Variants in CREB3L2 observed in about 807,000 individuals in gnomAD.
CREB3L2 encodes the protein cAMP responsive element binding protein 3 like 2.
Under a neutral mutation model 57.2 loss-of-function variants are expected in CREB3L2, and 23 were observed. The ratio of observed to expected loss-of-function variants is 0.40; its 90% CI spans 0.29 to 0.57. The LOEUF (loss-of-function observed/expected upper bound fraction) is 0.57. CREB3L2 is among the 20% of genes least tolerant of loss of function. The pLI is 0.42. For missense variants in CREB3L2, 628 were observed against 634.7 expected, an observed-to-expected ratio of 0.99 and a Z score of 0.11; for synonymous variants, 268 against 265.1, an observed-to-expected ratio of 1.01 and a Z score of -0.11.
intron 2 of CREB3L2, 66 bp downstream of exon 2, chr7:137,928,084 C>T: frequency 8.1e-7 from 1 of 1,236,798 alleles, no homozygotes; most frequent in Non-Finnish European, 1.2e-6. Context: ...AATACACACT[C>T]CACACCCTCA....
chr7:137,990,897 T>C (rs1273498949), intron 1 of CREB3L2, among the ~76,000 whole-genome samples: 1 of 151,878 alleles, frequency 6.6e-6, no homozygotes, highest in Middle Eastern at 3.4e-3. Context: ...TGTTTGCAGA[T>C]TTTTTTTTCC....
intron 1 of CREB3L2, among the ~76,000 whole-genome samples, chr7:137,987,844 C>A (rs1801817979): frequency 6.6e-6 from 1 of 152,184 alleles, no homozygotes; most frequent in African/African-American, 2.4e-5. Flanking sequence ...AGCCACCACA[C>A]CTTTCTCTAC....
chr7:137,951,575 A>C (rs1801099523), intron 1 of CREB3L2, among the ~76,000 whole-genome samples: 2 of 152,232 alleles, frequency 1.3e-5, no homozygotes, highest in South Asian at 4.1e-4. Flanking sequence ...TACTTATTGA[A>C]ATGTATAAGT....
chr7:137,938,233 T>C (rs939236538), intron 1 of CREB3L2, among the ~76,000 whole-genome samples: 4 of 152,224 alleles, frequency 2.6e-5, no homozygotes, highest in Non-Finnish European at 5.9e-5. Flanking sequence ...ATGGTAGATG[T>C]TGACAGTGGC....
chr7:137,950,418 A>G (rs966852882), intron 1 of CREB3L2, among the ~76,000 whole-genome samples: 4 of 152,358 alleles, frequency 2.6e-5, no homozygotes, highest in East Asian at 3.9e-4. Context: ...ACTGGACCAC[A>G]TCAAAGAAGC....
rs555047962 is a variant in CREB3L2, at chr7:137,973,288, C to A, written c.102+28316G>T. On this transcript the variant is annotated intron_variant, in intron 1 of 11. Transcript: ENST00000330387. ...CCCATTCCAACTTGTTTGCCTTGTACGGAAGACTTGGGTCCCAAGGAGAAT... is the reference window on the plus strand; with the variant it reads ...CCCATTCCAACTTGTTTGCCTTGTAAGGAAGACTTGGGTCCCAAGGAGAAT... Among the ~76,000 whole-genome samples, 6 of 152,104 alleles carry A rather than the reference C, an allele frequency of 3.9e-5. No individual in the cohort carries two copies. In the South Asian group the frequency reaches 1.2e-3, roughly 32 times the overall value.
intron 4 of CREB3L2, among the ~76,000 whole-genome samples, chr7:137,909,801 T>C (rs915514344): frequency 1.3e-5 from 2 of 152,198 alleles, no homozygotes; most frequent in Non-Finnish European, 1.5e-5. Flanking sequence ...TCATCTTGAA[T>C]TGTAGCTCCC....
intron 1 of CREB3L2, among the ~76,000 whole-genome samples, chr7:137,929,153 A>G (rs1294670524): frequency 6.6e-6 from 1 of 152,050 alleles, no homozygotes; most frequent in African/African-American, 2.4e-5. Context: ...AATACCATGA[A>G]CTTTCCAGCC....
At chr7:137,884,764 G>A (rs1200752947) in intron 10 of CREB3L2, 1 of 628,446 alleles carries the variant, frequency 1.6e-6, no homozygotes, top group Non-Finnish European at 2.8e-6. Context: ...GTCTAGAACA[G>A]CAGTTTGCAA....
intron 7 of CREB3L2, among the ~76,000 whole-genome samples, chr7:137,903,712 T>G (rs1335386904): frequency 6.6e-6 from 1 of 152,236 alleles, no homozygotes; most frequent in African/African-American, 2.4e-5. Flanking sequence ...CTGTGAGGAC[T>G]CCGGGGTCCT....
At chr7:137,991,327 C>T (rs1028779687) in intron 1 of CREB3L2, among the ~76,000 whole-genome samples, 3 of 150,278 alleles carry the variant, frequency 2.0e-5, no homozygotes, top group Admixed American at 6.6e-5. Flanking sequence ...CCACACCTGG[C>T]TAATTTTTTT....
intron 1 of CREB3L2, among the ~76,000 whole-genome samples, chr7:137,938,656 T>C (rs1380899644): frequency 6.6e-6 from 1 of 152,180 alleles, no homozygotes; most frequent in Non-Finnish European, 1.5e-5. Context: ...AAATGGTTTA[T>C]TTTTAAAAAC....
intron 1 of CREB3L2, among the ~76,000 whole-genome samples, chr7:137,993,050 C>A (rs1801928734): frequency 6.6e-6 from 1 of 152,152 alleles, no homozygotes; most frequent in Non-Finnish European, 1.5e-5. Context: ...GTGTTTACAG[C>A]ACAATGTAGG....
intron 4 of CREB3L2, among the ~76,000 whole-genome samples, chr7:137,910,498 G>A (rs1405715981): frequency 6.6e-6 from 1 of 152,006 alleles, no homozygotes; most frequent in Non-Finnish European, 1.5e-5. Flanking sequence ...AGAGTGAGGA[G>A]TCCTAAGCGT....
rs1407361692 is a variant in CREB3L2 at position 137,875,560 on chromosome 7, GAC to G, written c.*4914_*4915del. The G allele has an allele frequency of 2.0e-4, 45 of 223,900 alleles. No individual in the cohort carries two copies. The East Asian group carries it at 2.9e-3, about 14-fold the overall frequency. 13.9% of individuals were successfully genotyped at this position (223,900 alleles called of 1,614,324 possible). ...AAAGATAGGAGATGGACACCTGGGG[GAC>G]TGCTCCAGCACGAAGGGAAGCGATG... On this transcript the variant is annotated 3_prime_UTR_variant, in exon 12 of 12. Coordinates refer to ENST00000330387, the MANE Select transcript of CREB3L2 (RefSeq NM_194071.4).
chr7:137,954,312 G>C (rs1261319748), intron 1 of CREB3L2, among the ~76,000 whole-genome samples: 1 of 152,006 alleles, frequency 6.6e-6, no homozygotes, highest in Non-Finnish European at 1.5e-5. Flanking sequence ...AGTAATCCTA[G>C]GGACATAATC....
At chr7:137,999,967 A>G (rs1317444941) in intron 1 of CREB3L2, among the ~76,000 whole-genome samples, 1 of 152,256 alleles carries the variant, frequency 6.6e-6, no homozygotes, top group African/African-American at 2.4e-5. Context: ...GGTGTTAGTT[A>G]GAGCCAGTCC....
intron 2 of CREB3L2, among the ~76,000 whole-genome samples, chr7:137,920,442 T>C (rs1482594679): frequency 6.6e-6 from 1 of 152,112 alleles, no homozygotes; most frequent in Non-Finnish European, 1.5e-5. Flanking sequence ...GAGATGCCAG[T>C]GAATCTAGCT....
At chr7:137,974,561 C>T (rs1036759806) in intron 1 of CREB3L2, among the ~76,000 whole-genome samples, 20 of 151,998 alleles carry the variant, frequency 1.3e-4, no homozygotes, top group South Asian at 2.1e-4. Context: ...GGGGATGACA[C>T]GAAAGAGAGA....
Sources: allele counts gnomAD v4.1 joint callset (sites outside exome capture counted in the v4.1 genomes callset), GRCh38; gene constraint gnomAD v4.1.1; transcripts MANE v1.5; gene names NCBI Gene and HGNC (gene_info 2026-07-23, HGNC 2026-07-21).